Variants in EIF2S2 observed in about 807,000 individuals in gnomAD.
The protein encoded by EIF2S2 is eukaryotic translation initiation factor 2 subunit beta.
A neutral mutation model predicts 44.0 loss-of-function variants in EIF2S2; 4 were observed. The ratio of observed to expected loss-of-function variants is 0.09; its 90% CI spans 0.04 to 0.21. The LOEUF (loss-of-function observed/expected upper bound fraction) is 0.21. Ranked by LOEUF, EIF2S2 falls within the 10% of genes least tolerant of loss-of-function variation. The pLI, the probability that EIF2S2 is intolerant of heterozygous loss-of-function variation, is 1.00. For missense variants in EIF2S2, 154 were observed against 392.0 expected (o/e 0.39, Z 5.13); for synonymous variants, 108 against 128.3 (o/e 0.84, Z 1.07).
At chr20:34,090,023 C>T (rs1431382321) in intron 8 of EIF2S2, 118 bp from the exon 9 acceptor site, 18 of 1,108,854 alleles carry the variant, frequency 1.6e-5, no homozygotes, top group South Asian at 4.1e-5. Flanking sequence ...TTTAGCTGGG[C>T]ACCCAGACCA....
Position 34,094,466 on chromosome 20 carries a change from T to C in EIF2S2, c.684-735A>G, listed in dbSNP as rs373335412. 3.9e-5 allele frequency among the ~76,000 whole-genome samples: 6 copies of C among 152,290 alleles called. No homozygotes were observed. The East Asian group carries it at 7.7e-4, about 20-fold the overall frequency. ...AAATCTGAAGCAAATGTGTCAAAAGTTCAACATATACCAAACCTAGGTGAT... is the reference window on the plus strand; with the variant it reads ...AAATCTGAAGCAAATGTGTCAAAAGCTCAACATATACCAAACCTAGGTGAT... On this transcript the variant is annotated intron_variant, in intron 6 of 8. Coordinates refer to ENST00000374980, the MANE Select transcript of EIF2S2 (RefSeq NM_003908.5).
intron 1 of EIF2S2, among the ~76,000 whole-genome samples, chr20:34,108,959 C>T (rs1412073278): frequency 6.8e-6 from 1 of 147,012 alleles, no homozygotes; most frequent in African/African-American, 2.5e-5. Context: ...TTTTTAGGGA[C>T]GGGAGTCTCA....
At chr20:34,105,751 A>G (rs1375532618) in intron 1 of EIF2S2, among the ~76,000 whole-genome samples, 1 of 152,202 alleles carries the variant, frequency 6.6e-6, no homozygotes, top group Non-Finnish European at 1.5e-5. Context: ...TGAAACATGT[A>G]CACATCTTTC....
At chr20:34,095,440 G>A (rs1485464713) in intron 6 of EIF2S2, among the ~76,000 whole-genome samples, 2 of 151,798 alleles carry the variant, frequency 1.3e-5, no homozygotes, top group African/African-American at 4.8e-5. Flanking sequence ...AGCCTCCCGA[G>A]TAGCGGGATT....
At position 34,100,064 on chromosome 20, in the gene EIF2S2, G is replaced by A. The variant is rs144041202; in HGVS notation, c.298-1431C>T. Among the ~76,000 whole-genome samples the A allele has an allele frequency of 2.0e-4, 31 of 152,264 alleles. No individual in the cohort carries two copies. The East Asian group carries it at 4.6e-3, about 23-fold the overall frequency. ...GAGTATCACTCTGTAACTCAGGCTGGAGTGCAGTGGCATGATCTCGGCTCA... is the reference window on the plus strand; with the variant it reads ...GAGTATCACTCTGTAACTCAGGCTGAAGTGCAGTGGCATGATCTCGGCTCA... On this transcript the variant is annotated intron_variant, in intron 3 of 8. Coordinates refer to ENST00000374980, the MANE Select transcript of EIF2S2 (RefSeq NM_003908.5).
At chr20:34,097,355 T>C (rs1471541882) in intron 5 of EIF2S2, 61 bp downstream of exon 5, 6 of 1,379,376 alleles carry the variant, frequency 4.3e-6, no homozygotes, top group Non-Finnish European at 6.1e-6. Flanking sequence ...AAGATTTATC[T>C]TGCTCTTCTT....
At chr20:34,099,367 A>G (rs941717140) in intron 3 of EIF2S2, among the ~76,000 whole-genome samples, 1 of 152,188 alleles carries the variant, frequency 6.6e-6, no homozygotes, top group Non-Finnish European at 1.5e-5. Context: ...CAAAGAAAAA[A>G]AAAAAAAAGA....
chr20:34,089,806 C>T lies in EIF2S2; in HGVS notation c.926G>A (p.Cys309Tyr). 1.2e-6 allele frequency: 2 copies of T among 1,613,900 alleles called. No homozygotes were observed. The highest frequency in any genetic ancestry group is 1.1e-5 in the South Asian group (1 of 91,078). ...FLQCETCHSR[C>Y]SVASIKTGFQ... ...GCCGGTTTTGATACTGGCAACAGAACATCTAGAATGACAAGTTTCGCACTG... is the reference window on the plus strand; with the variant it reads ...GCCGGTTTTGATACTGGCAACAGAATATCTAGAATGACAAGTTTCGCACTG... The change falls in exon 9 of 9, where the codon TGT (cysteine) becomes TAT (tyrosine). Residue 309 changes from cysteine to tyrosine, a missense_variant. Coordinates refer to ENST00000374980, the MANE Select transcript of EIF2S2 (RefSeq NM_003908.5).
Position 34,091,776 on chromosome 20 carries a change from TGG to T in EIF2S2, c.741-1176_741-1175del, listed in dbSNP as rs1555812046. Among the ~76,000 whole-genome samples the T allele has an allele frequency of 6.9e-3, 659 of 95,836 alleles. 32 individuals carry two copies. Among genetic ancestry groups the T allele is most frequent in the African/African-American group, 0.023 (639 of 28,106 alleles). The allele number at this position is 95,836 out of a possible 152,430, so 62.9% of individuals were successfully genotyped here. A position where few individuals can be genotyped will look rare whatever the true frequency, so the allele number is the denominator to read the frequency against. On this transcript the variant is annotated intron_variant, in intron 7 of 8. Transcript: ENST00000374980. ...TATTATTTATATATATTTATTTTTT[TGG>T]GGGGGGGGGGTCCAAGGGTGGAGGT...
At chr20:34,110,843 C>T (rs1006157521) in intron 1 of EIF2S2, among the ~76,000 whole-genome samples, 34 of 152,210 alleles carry the variant, frequency 2.2e-4, no homozygotes, top group African/African-American at 7.5e-4. Flanking sequence ...TTTTGAAATA[C>T]AGCAGCCTAG....
At chr20:34,106,378 A>G (rs1771199059) in intron 1 of EIF2S2, among the ~76,000 whole-genome samples, 1 of 152,068 alleles carries the variant, frequency 6.6e-6, no homozygotes, top group African/African-American at 2.4e-5. Flanking sequence ...TGAGTAAGAG[A>G]AACCTCTATA....
chr20:34,089,314 C>T lies in EIF2S2; in HGVS notation c.*416G>A, dbSNP rs1601527486. On this transcript the variant is annotated 3_prime_UTR_variant, in exon 9 of 9. Transcript: ENST00000374980. Reference sequence around the variant, plus strand: ...AAGAAAAATGGCTGCCCAGATGAAGCGCCTGCCATTGTTCAGTTTCTCAGT... The same window carrying T: ...AAGAAAAATGGCTGCCCAGATGAAGTGCCTGCCATTGTTCAGTTTCTCAGT... 4.4e-5 allele frequency: 7 copies of T among 158,746 alleles called. No homozygotes were observed. The highest frequency in any genetic ancestry group is 2.0e-4 in the South Asian group (1 of 5,104). 9.8% of individuals were successfully genotyped at this position (158,746 alleles called of 1,614,324 possible).
chr20:34,103,609 C>A, intron 2 of EIF2S2, 44 bp from the exon 3 acceptor site: 1 of 1,484,062 alleles, frequency 6.7e-7, no homozygotes, highest in Non-Finnish European at 9.0e-7. Context: ...AAAGGCAAAG[C>A]ATCAAATTAT....
intron 8 of EIF2S2, among the ~76,000 whole-genome samples, chr20:34,090,267 TG>T (rs1203860296): frequency 6.6e-6 from 1 of 152,256 alleles, no homozygotes; most frequent in Non-Finnish European, 1.5e-5. Context: ...CAAGTTTCTC[TG>T]ACTTGGCCTT....
At chr20:34,108,858 C>T (rs2034377938) in intron 1 of EIF2S2, among the ~76,000 whole-genome samples, 1 of 151,908 alleles carries the variant, frequency 6.6e-6, no homozygotes, top group Admixed American at 6.5e-5. Context: ...AGAAGCAAGA[C>T]ATTGATCTAA....
chr20:34,096,324 G>A (rs543307995), intron 6 of EIF2S2, among the ~76,000 whole-genome samples: 1 of 152,230 alleles, frequency 6.6e-6, no homozygotes, highest in East Asian at 1.9e-4. Flanking sequence ...AATTGGTCGG[G>A]CATGGTGGTG....
intron 3 of EIF2S2, among the ~76,000 whole-genome samples, chr20:34,100,512 T>C (rs2034283519): frequency 6.6e-6 from 1 of 152,230 alleles, no homozygotes; most frequent in East Asian, 1.9e-4. Context: ...ATCTATTTTG[T>C]GTGTGCCTAC....
chr20:34,107,696 A>G (rs997360457), intron 1 of EIF2S2, among the ~76,000 whole-genome samples: 3 of 152,234 alleles, frequency 2.0e-5, no homozygotes, highest in Non-Finnish European at 4.4e-5. Context: ...TGATTATAAC[A>G]TAAACTTATT....
At chr20:34,112,070 C>G in intron 1 of EIF2S2, 26 bp downstream of exon 1, 1 of 1,541,898 alleles carries the variant, frequency 6.5e-7, no homozygotes. Flanking sequence ...CAATCCTTAG[C>G]CCTTACGCCG....
Sources: allele counts gnomAD v4.1 joint callset (sites outside exome capture counted in the v4.1 genomes callset), GRCh38; gene constraint gnomAD v4.1.1; transcripts MANE v1.5; gene names NCBI Gene and HGNC (gene_info 2026-07-23, HGNC 2026-07-21).